The following FAM229B variants were observed in gnomAD, a reference collection of about 807,000 sequenced individuals.
FAM229B encodes the protein family with sequence similarity 229 member B, also known as protein FAM229B.
FAM229B carries 2 observed loss-of-function variants against 6.7 expected under a neutral mutation model. That is an observed-to-expected ratio of 0.30 (90% confidence interval 0.12 to 0.94). FAM229B has a LOEUF of 0.94. Ranked by LOEUF, FAM229B falls within the 40% of genes least tolerant of loss-of-function variation. The pLI is 0.54. For synonymous variants in FAM229B, 29 were observed against 34.0 expected (o/e 0.85, Z 0.51); for missense variants, 93 against 96.2 (o/e 0.97, Z 0.14).
chr6:112,094,192 GA>G (rs1777292921), intron 1 of FAM229B, among the ~76,000 whole-genome samples: 1 of 151,886 alleles, frequency 6.6e-6, no homozygotes, highest in Non-Finnish European at 1.5e-5. Context: ...CAGAAGAAAA[GA>G]AATAATAAAG....
chr6:112,093,275 G>C (rs946592115), intron 1 of FAM229B, among the ~76,000 whole-genome samples: 1 of 151,938 alleles, frequency 6.6e-6, no homozygotes, highest in Admixed American at 6.6e-5. Flanking sequence ...ATAGAGCAAA[G>C]ATATCAGACA....
At chr6:112,091,998 T>TAAG (rs1777263016) in intron 1 of FAM229B, among the ~76,000 whole-genome samples, 1 of 152,108 alleles carries the variant, frequency 6.6e-6, no homozygotes, top group South Asian at 2.1e-4. Flanking sequence ...TTAGCAAACT[T>TAAG]AAAGATGTAG....
chr6:112,092,635 T>C (rs1554318279), intron 1 of FAM229B, among the ~76,000 whole-genome samples: 1 of 151,972 alleles, frequency 6.6e-6, no homozygotes, highest in East Asian at 1.9e-4. Context: ...AAAATGTAGA[T>C]GAATATAGAA....
Position 112,099,354 on chromosome 6 carries a change from A to C in FAM229B, c.71A>C (p.Glu24Ala), listed in dbSNP as rs1343772064. Residue 24 changes from glutamate (E) to alanine (A), a missense_variant, in exon 3 of 4, where the codon GAA (glutamate) becomes GCA (alanine). Transcript: ENST00000368656. ...GGAGGAGATTCTTCAATTGAGCTGG[A>C]ACCTGGGCTGAGCTCCAGTGCTGCC... Reference protein sequence around the residue: ...VEGGDSSIELEPGLSSSAACN... With the variant: ...VEGGDSSIELAPGLSSSAACN... 1 of 1,614,042 alleles carries C rather than the reference A, an allele frequency of 6.2e-7. No homozygotes were observed. Among genetic ancestry groups the C allele is most frequent in the East Asian group, 2.2e-5 (1 of 44,878 alleles).
At chr6:112,092,181 G>A (rs1777264940) in intron 1 of FAM229B, among the ~76,000 whole-genome samples, 1 of 152,162 alleles carries the variant, frequency 6.6e-6, no homozygotes, top group Non-Finnish European at 1.5e-5. Context: ...AATGTGATAA[G>A]TATTATGCAC....
Position 112,099,395 on chromosome 6 carries a change from A to G in FAM229B, c.112A>G (p.Met38Val), listed in dbSNP as rs782363042. The G allele has an allele frequency of 6.2e-7, 1 of 1,613,370 alleles. No homozygotes were observed. ...CAGTGCTGCCTGTAATGGGAAGGAGATGTCACCAACCAGGTAAAGTCTTCT... is the reference window on the plus strand; with the variant it reads ...CAGTGCTGCCTGTAATGGGAAGGAGGTGTCACCAACCAGGTAAAGTCTTCT... ...SSSAACNGKE[M>V]SPTRQLRRCP... The change falls in exon 3 of 4, where the codon ATG becomes GTG. Residue 38 changes from methionine (M) to valine (V), a missense_variant. Coordinates refer to ENST00000368656, the MANE Select transcript of FAM229B (RefSeq NM_001033564.3).
chr6:112,099,861 C>T (rs1777373558), intron 3 of FAM229B, among the ~76,000 whole-genome samples: 1 of 152,236 alleles, frequency 6.6e-6, no homozygotes. Context: ...TTTGGCTTTG[C>T]TGCGACCTTT....
chr6:112,089,214 A>G (rs797034836), intron 1 of FAM229B, among the ~76,000 whole-genome samples: 36 of 152,270 alleles, frequency 2.4e-4, no homozygotes, highest in African/African-American at 8.2e-4. Flanking sequence ...AGAATTCCAC[A>G]TGCTGAAAAT....
intron 1 of FAM229B, among the ~76,000 whole-genome samples, chr6:112,096,226 G>A (rs905635677): frequency 5.3e-5 from 8 of 152,142 alleles, no homozygotes; most frequent in African/African-American, 1.9e-4. Flanking sequence ...GCAGCCCAGG[G>A]CTCAGGGAAC....
At chr6:112,094,376 T>A (rs1777296150) in intron 1 of FAM229B, among the ~76,000 whole-genome samples, 1 of 152,220 alleles carries the variant, frequency 6.6e-6, no homozygotes, top group African/African-American at 2.4e-5. Context: ...TGCTTATGTC[T>A]CAGACTCCAT....
chr6:112,088,166 G>A (rs1777204194), intron 1 of FAM229B, among the ~76,000 whole-genome samples: 1 of 152,146 alleles, frequency 6.6e-6, no homozygotes, highest in Non-Finnish European at 1.5e-5. Flanking sequence ...ATTGTGTGGC[G>A]TTGACTATAA....
chr6:112,089,718 G>C (rs1391520945), intron 1 of FAM229B, among the ~76,000 whole-genome samples: 1 of 152,056 alleles, frequency 6.6e-6, no homozygotes, highest in Non-Finnish European at 1.5e-5. Context: ...TTATAATGTA[G>C]AGGAAAGTCT....
Position 112,096,746 on chromosome 6 carries a change from A to T in FAM229B, c.-175-295A>T, listed in dbSNP as rs1406467644. Among the ~76,000 whole-genome samples the T allele has an allele frequency of 1.3e-5, 2 of 151,142 alleles. 1 individual carries two copies. The highest frequency in any genetic ancestry group is 4.8e-5 in the African/African-American group (2 of 41,372). On this transcript the variant is annotated intron_variant, in intron 1 of 3. Transcript: ENST00000368656. ...GTAAAGGTACAATTTGGGTTTGAGG[A>T]TATTGGAGTGAGATGAGGATGTAGA...
At chr6:112,088,095 T>C (rs192625295) in intron 1 of FAM229B, among the ~76,000 whole-genome samples, 296 of 152,316 alleles carry the variant, frequency 1.9e-3, no homozygotes, top group African/African-American at 6.7e-3. Context: ...AATTAAGGCA[T>C]AGATCCAGTT....
At chr6:112,090,379 T>A (rs587644496) in intron 1 of FAM229B, among the ~76,000 whole-genome samples, 10 of 152,338 alleles carry the variant, frequency 6.6e-5, no homozygotes, top group African/African-American at 1.9e-4. Flanking sequence ...TTCCAAAGAT[T>A]TTTCCCAATA....
chr6:112,087,790 A>T lies in FAM229B; in HGVS notation c.-176+70A>T, dbSNP rs587667152. ...CTGTTCGTGGGCTATCAGAGGTTTA[A>T]TTTTTGTTCACAGCCTCAACACCCG... On this transcript the variant is annotated intron_variant, in intron 1 of 3. Coordinates refer to ENST00000368656, the MANE Select transcript of FAM229B (RefSeq NM_001033564.3). 7.4e-4 allele frequency: 206 copies of T among 279,638 alleles called. 1 individual carries two copies. The highest frequency in any genetic ancestry group is 4.0e-3 in the African/African-American group (185 of 45,924). 17.3% of individuals were successfully genotyped at this position (279,638 alleles called of 1,614,324 possible).
rs1468233424 is a variant in FAM229B, at chr6:112,102,199, G to C, written c.*1412G>C. 6.6e-6 allele frequency: 1 copy of C among 152,168 alleles called. No homozygotes were observed. The highest frequency in any genetic ancestry group is 1.5e-5 in the Non-Finnish European group (1 of 68,034). The allele number at this position is 152,168 out of a possible 1,614,324, so 9.4% of individuals were successfully genotyped here. A position where few individuals can be genotyped will look rare whatever the true frequency, so the allele number is the denominator to read the frequency against. ...GAAAGGAGTGATGAAAAATTCCTCA[G>C]AGGGCTGGGCTTGGTGGCTCATGCC... On this transcript the variant is annotated 3_prime_UTR_variant, in exon 4 of 4. Transcript: ENST00000368656.
At position 112,087,685 on chromosome 6, in the gene FAM229B, A is replaced by C; in HGVS notation, c.-211A>C. The C allele has an allele frequency of 2.1e-6, 1 of 469,648 alleles. No individual in the cohort carries two copies. The highest frequency in any genetic ancestry group is 3.9e-5 in the Admixed American group (1 of 25,460). 29.1% of individuals were successfully genotyped at this position (469,648 alleles called of 1,614,324 possible). On this transcript the variant is annotated 5_prime_UTR_variant, in exon 1 of 4. Coordinates refer to ENST00000368656, the MANE Select transcript of FAM229B (RefSeq NM_001033564.3). ...CCTAGCTGCCTTGTCAACATCTTCG[A>C]GCATCGGCAGCTCCGGAGGCCGGGG...
chr6:112,090,912 T>C (rs908864535), intron 1 of FAM229B, among the ~76,000 whole-genome samples: 1 of 152,186 alleles, frequency 6.6e-6, no homozygotes, highest in Non-Finnish European at 1.5e-5. Flanking sequence ...ATATTATTAA[T>C]AACTAGTCAC....
Sources: allele counts gnomAD v4.1 joint callset (sites outside exome capture counted in the v4.1 genomes callset), GRCh38; gene constraint gnomAD v4.1.1; transcripts MANE v1.5; gene names NCBI Gene and HGNC (gene_info 2026-07-23, HGNC 2026-07-21).